Variants in NIPAL3 observed in about 807,000 individuals in gnomAD.
NIPAL3 encodes the protein NIPA-like protein 3.
Under a neutral mutation model 47.2 loss-of-function variants are expected in NIPAL3, and 41 were observed. The ratio of observed to expected loss-of-function variants is 0.87; its 90% CI spans 0.68 to 1.13. The LOEUF (loss-of-function observed/expected upper bound fraction) is 1.13. Among genes scored for constraint, NIPAL3 ranks in the 50% most tolerant of loss-of-function variants. The probability of loss-of-function intolerance (pLI) is 0.00; values close to 1 mark genes in which losing one functional copy is unlikely to be tolerated. For synonymous variants in NIPAL3, 194 were observed against 209.6 expected, an observed-to-expected ratio of 0.93 and a Z score of 0.64; for missense variants, 449 against 530.1, an observed-to-expected ratio of 0.85 and a Z score of 1.50.
Position 24,419,598 on chromosome 1 carries a change from A to T in NIPAL3, c.51A>T (p.Thr17=), listed in dbSNP as rs1403851186. Residue 17 remains threonine, a synonymous_variant, in exon 2 of 12, where the codon ACA becomes ACT. Coordinates refer to ENST00000374399, the MANE Select transcript of NIPAL3 (RefSeq NM_020448.5). ...AALKLQQLPP[T]SSSSAVSEAS... ...TGAAGCTGCAGCAGCTGCCTCCCACAAGTAGCTCCAGCGCCGTAAGCGAGG... is the reference window on the plus strand; with the variant it reads ...TGAAGCTGCAGCAGCTGCCTCCCACTAGTAGCTCCAGCGCCGTAAGCGAGG... The T allele has an allele frequency of 6.2e-7, 1 of 1,614,084 alleles. No homozygotes were observed. The highest frequency in any genetic ancestry group is 2.2e-5 in the East Asian group (1 of 44,872).
At chr1:24,438,397 T>C (rs1645223586) in intron 2 of NIPAL3, among the ~76,000 whole-genome samples, 1 of 152,182 alleles carries the variant, frequency 6.6e-6, no homozygotes, top group Non-Finnish European at 1.5e-5. Flanking sequence ...CTGAGCCTTG[T>C]TGGGAGAGAA....
intron 5 of NIPAL3, among the ~76,000 whole-genome samples, chr1:24,446,480 A>G (rs1331334547): frequency 7.3e-6 from 1 of 137,750 alleles, no homozygotes; most frequent in Non-Finnish European, 1.5e-5. Flanking sequence ...CCATGTGTCC[A>G]TGTGTTCTCA....
chr1:24,445,039 C>T (rs1172848891), intron 4 of NIPAL3, 146 bp from the exon 5 acceptor site: 3 of 579,876 alleles, frequency 5.2e-6, no homozygotes, highest in Admixed American at 3.1e-5. Flanking sequence ...TGGAATCACA[C>T]AGGAACCAAG....
chr1:24,459,581 T>G (rs1258572346), intron 9 of NIPAL3, among the ~76,000 whole-genome samples: 1 of 152,262 alleles, frequency 6.6e-6, no homozygotes, highest in African/African-American at 2.4e-5. Flanking sequence ...CAATAAGAAC[T>G]AAGTGCTTTC....
chr1:24,456,041 G>A lies in NIPAL3; in HGVS notation c.638-97G>A, dbSNP rs1029122032. ...ACTCTGTTCCTGTTCCCTCCCCTCT[G>A]TCTCCCCAAGTCCTTTGGGGTTATA... On this transcript the variant is annotated intron_variant, in intron 7 of 11. Coordinates refer to ENST00000374399, the MANE Select transcript of NIPAL3 (RefSeq NM_020448.5). 1.8e-5 allele frequency: 26 copies of A among 1,430,876 alleles called. No individual in the cohort carries two copies. In the African/African-American group the frequency reaches 2.4e-4, roughly 13 times the overall value. 88.6% of individuals were successfully genotyped at this position (1,430,876 alleles called of 1,614,324 possible).
chr1:24,468,724 T>C (rs1646801500), intron 11 of NIPAL3, among the ~76,000 whole-genome samples: 1 of 152,218 alleles, frequency 6.6e-6, no homozygotes, highest in Non-Finnish European at 1.5e-5. Flanking sequence ...CACCTCACTT[T>C]AGGCCAACTG....
At position 24,451,962 on chromosome 1, in the gene NIPAL3, AG is replaced by A. The variant is rs1471834135; in HGVS notation, c.541-1445del. On this transcript the variant is annotated intron_variant, in intron 6 of 11. Transcript: ENST00000374399. This position sits in a 1 kb window ranked among gnomAD's most constrained non-coding sequence, Gnocchi z 4.5. ...TATGGATTCACTGGAACAAAGACAA[AG>A]AAGAAACGGGGAAATGAAAGCAGCT... Among the ~76,000 whole-genome samples the A allele has an allele frequency of 1.3e-5, 2 of 152,192 alleles. No individual in the cohort carries two copies. The highest frequency in any genetic ancestry group is 4.8e-5 in the African/African-American group (2 of 41,468).
intron 2 of NIPAL3, among the ~76,000 whole-genome samples, chr1:24,421,427 CA>C (rs1644326468): frequency 6.6e-6 from 1 of 152,152 alleles, no homozygotes; most frequent in African/African-American, 2.4e-5. Flanking sequence ...ATCATCTCAT[CA>C]AACCTCTCAT....
chr1:24,429,489 T>C (rs1329691761), intron 2 of NIPAL3, among the ~76,000 whole-genome samples: 1 of 152,202 alleles, frequency 6.6e-6, no homozygotes, highest in Non-Finnish European at 1.5e-5. Context: ...GTGTTGAAAA[T>C]TTTACATCAT....
Position 24,469,268 on chromosome 1 carries a change from T to A in NIPAL3, c.*83T>A. On this transcript the variant is annotated 3_prime_UTR_variant, in exon 12 of 12. Coordinates refer to ENST00000374399, the MANE Select transcript of NIPAL3 (RefSeq NM_020448.5). Reference sequence around the variant, plus strand: ...AATCCTAAAACTTGCCTTTCAAGTCTCATTTTGTTTCTAACTGAGAACTCT... The same window carrying A: ...AATCCTAAAACTTGCCTTTCAAGTCACATTTTGTTTCTAACTGAGAACTCT... 8.6e-7 allele frequency: 1 copy of A among 1,160,766 alleles called. No individual in the cohort carries two copies. Among genetic ancestry groups the A allele is most frequent in the Non-Finnish European group, 1.2e-6 (1 of 829,210 alleles). The allele number at this position is 1,160,766 out of a possible 1,614,324, so 71.9% of individuals were successfully genotyped here.
rs771759621 is a variant in NIPAL3 at position 24,451,324 on chromosome 1, G to A, written c.540+1698G>A. ...AATGAGACATGCCCACAGTACTCAC[G>A]GACTGTTGGGAGGCACCACATATGC... On this transcript the variant is annotated intron_variant, in intron 6 of 11. Transcript: ENST00000374399. This position sits in a 1 kb window ranked among gnomAD's most constrained non-coding sequence, Gnocchi z 4.5. Among the ~76,000 whole-genome samples the A allele has an allele frequency of 1.3e-5, 2 of 152,122 alleles. No homozygotes were observed. Among genetic ancestry groups the A allele is most frequent in the Non-Finnish European group, 2.9e-5 (2 of 68,030 alleles).
chr1:24,468,044 C>T (rs1646772295), intron 11 of NIPAL3, among the ~76,000 whole-genome samples: 1 of 152,178 alleles, frequency 6.6e-6, no homozygotes, highest in Admixed American at 6.5e-5. Flanking sequence ...AAATGGCTCA[C>T]ACCTGTAATC....
In NIPAL3 at chr1:24,471,839, C is replaced by T. The variant is rs567855116; in HGVS notation, c.*2654C>T. 1 of 152,208 alleles carries T rather than the reference C, an allele frequency of 6.6e-6. No individual in the cohort carries two copies. The highest frequency in any genetic ancestry group is 2.4e-5 in the African/African-American group (1 of 41,518). 9.4% of individuals were successfully genotyped at this position (152,208 alleles called of 1,614,324 possible). ...CAGAAATTAAAATCAGGTTTCACTG[C>T]TATTTATATATTTCTCCTTTCCCAA... On this transcript the variant is annotated 3_prime_UTR_variant, in exon 12 of 12. Coordinates refer to ENST00000374399, the MANE Select transcript of NIPAL3 (RefSeq NM_020448.5).
At chr1:24,426,938 C>T (rs1265180911) in intron 2 of NIPAL3, among the ~76,000 whole-genome samples, 1 of 152,208 alleles carries the variant, frequency 6.6e-6, no homozygotes, top group African/African-American at 2.4e-5. Flanking sequence ...TTCCAGTTTG[C>T]ACCGTGTCTT....
chr1:24,461,594 C>G (rs1646474667), intron 10 of NIPAL3, among the ~76,000 whole-genome samples: 1 of 147,746 alleles, frequency 6.8e-6, no homozygotes. Flanking sequence ...TGGCCGGGTG[C>G]AGTGGCTCGT....
chr1:24,420,565 G>T (rs1474238821), intron 2 of NIPAL3, among the ~76,000 whole-genome samples: 1 of 152,124 alleles, frequency 6.6e-6, no homozygotes, highest in East Asian at 1.9e-4. Flanking sequence ...ATTACTTGGA[G>T]ATAATTTTCA....
At chr1:24,430,872 CA>C (rs1644846983) in intron 2 of NIPAL3, among the ~76,000 whole-genome samples, 1 of 152,104 alleles carries the variant, frequency 6.6e-6, no homozygotes, top group Non-Finnish European at 1.5e-5. Flanking sequence ...CTTTAATGCA[CA>C]TATATTTTTA....
chr1:24,419,461 A>G lies in NIPAL3; in HGVS notation c.-87A>G. ...GCTGCTGGAGGGAGGTGAACACCAC[A>G]AGGAGAGATGGCATCTGGCCTGGGC... is the stretch of plus-strand genomic sequence containing the variant. On this transcript the variant is annotated 5_prime_UTR_variant, in exon 2 of 12. Coordinates refer to ENST00000374399, the MANE Select transcript of NIPAL3 (RefSeq NM_020448.5). 2 of 1,442,750 alleles carry G rather than the reference A, an allele frequency of 1.4e-6. No individual in the cohort carries two copies. Among genetic ancestry groups the G allele is most frequent in the Non-Finnish European group, 1.8e-6 (2 of 1,094,532 alleles). 89.4% of individuals were successfully genotyped at this position (1,442,750 alleles called of 1,614,324 possible).
chr1:24,414,863 C>T (rs6687848), upstream of NIPAL3: 17,010 of 152,118 alleles, frequency 0.11, 1,000 homozygotes, highest in African/African-American at 0.13. Flanking sequence ...GTCCCTGGCC[C>T]GTCCCTCAGA....
Sources: allele counts gnomAD v4.1 joint callset (sites outside exome capture counted in the v4.1 genomes callset), GRCh38; gene constraint gnomAD v4.1.1; non-coding constraint Gnocchi (gnomAD v3.1); transcripts MANE v1.5; gene names NCBI Gene and HGNC (gene_info 2026-07-23, HGNC 2026-07-21).